ARHGAP15: variants seen among roughly 807,000 people sequenced by gnomAD.
ARHGAP15 encodes the protein Rho GTPase activating protein 15.
A neutral mutation model predicts 63.7 loss-of-function variants in ARHGAP15; 51 were observed. The ratio of observed to expected loss-of-function variants is 0.80; its 90% CI spans 0.64 to 1.01. The LOEUF is 1.01. Ranked by LOEUF, ARHGAP15 falls within the 50% of genes least tolerant of loss-of-function variation. The pLI, the probability that ARHGAP15 is intolerant of heterozygous loss-of-function variation, is 0.00. For missense variants in ARHGAP15, 560 were observed against 564.6 expected (o/e 0.99, Z 0.08); for synonymous variants, 191 against 193.8 (o/e 0.99, Z 0.12).
intron 2 of ARHGAP15, among the ~76,000 whole-genome samples, chr2:143,157,408 A>T (rs1347673999): frequency 3.3e-5 from 5 of 151,784 alleles, no homozygotes; most frequent in African/African-American, 4.8e-5. Flanking sequence ...CTCATTGTTG[A>T]TATTACCTTG....
intron 11 of ARHGAP15, among the ~76,000 whole-genome samples, chr2:143,583,535 G>T (rs996647491): frequency 5.3e-5 from 8 of 152,064 alleles, no homozygotes; most frequent in South Asian, 2.1e-4. Context: ...AAAATGGGGG[G>T]GGTGGAAGAG....
At chr2:143,344,133 C>T (rs1050294860) in intron 6 of ARHGAP15, 9 of 152,226 alleles carry the variant, frequency 5.9e-5, no homozygotes, top group Admixed American at 1.3e-4. Flanking sequence ...CTTTCAATAA[C>T]ACACCTTTTA....
chr2:143,247,795 T>C (rs1016787493), intron 5 of ARHGAP15, among the ~76,000 whole-genome samples: 3 of 152,156 alleles, frequency 2.0e-5, no homozygotes, highest in Non-Finnish European at 4.4e-5. Flanking sequence ...AATCCAAATA[T>C]GAGTCCTTTG....
At chr2:143,711,462 CTG>C (rs1371689130) in intron 13 of ARHGAP15, among the ~76,000 whole-genome samples, 3 of 152,052 alleles carry the variant, frequency 2.0e-5, no homozygotes, top group Non-Finnish European at 4.4e-5. Context: ...AGAGAATACT[CTG>C]TACAAGAACA....
chr2:143,360,761 C>T (rs191532331), intron 6 of ARHGAP15, among the ~76,000 whole-genome samples: 32 of 152,262 alleles, frequency 2.1e-4, no homozygotes, highest in Admixed American at 9.8e-4. Flanking sequence ...GAGTTAAGTA[C>T]TAATAAATAG....
chr2:143,750,179 C>T (rs1205673159), intron 13 of ARHGAP15, among the ~76,000 whole-genome samples: 2 of 152,216 alleles, frequency 1.3e-5, no homozygotes, highest in African/African-American at 4.8e-5. Context: ...GTGGCTCACA[C>T]CTATGATCCC....
At chr2:143,402,937 A>C (rs1481442689) in intron 6 of ARHGAP15, among the ~76,000 whole-genome samples, 2 of 151,872 alleles carry the variant, frequency 1.3e-5, no homozygotes, top group African/African-American at 4.8e-5. Context: ...TTTCTTATAG[A>C]AGAATATATT....
At chr2:143,507,506 C>T (rs1693373653) in intron 9 of ARHGAP15, among the ~76,000 whole-genome samples, 1 of 152,126 alleles carries the variant, frequency 6.6e-6, no homozygotes, top group Non-Finnish European at 1.5e-5. Flanking sequence ...TATGTTAAGG[C>T]CTTGGACTTC....
intron 1 of ARHGAP15, among the ~76,000 whole-genome samples, chr2:143,137,379 T>C (rs1180441744): frequency 1.3e-5 from 2 of 151,984 alleles, no homozygotes; most frequent in African/African-American, 4.8e-5. Context: ...GGCTGTAGAA[T>C]CAAGGAAGAC....
chr2:143,222,690 TTTG>T (rs752789002), intron 4 of ARHGAP15, among the ~76,000 whole-genome samples: 45 of 152,102 alleles, frequency 3.0e-4, no homozygotes, highest in Admixed American at 1.2e-3. Context: ...TTGGGGGTGT[TTTG>T]TTGTTGTTGT....
intron 11 of ARHGAP15, among the ~76,000 whole-genome samples, chr2:143,598,324 C>A (rs1271896774): frequency 6.6e-6 from 1 of 152,116 alleles, no homozygotes; most frequent in Non-Finnish European, 1.5e-5. Flanking sequence ...AAAATAGCAT[C>A]AAATGTGGCT....
intron 6 of ARHGAP15, among the ~76,000 whole-genome samples, chr2:143,284,075 C>T (rs1681980110): frequency 6.6e-6 from 1 of 152,118 alleles, no homozygotes; most frequent in South Asian, 2.1e-4. Flanking sequence ...CCTCCCACTC[C>T]TGATTTCGTT....
chr2:143,673,211 C>T (rs147173391), intron 12 of ARHGAP15, among the ~76,000 whole-genome samples: 2 of 152,256 alleles, frequency 1.3e-5, no homozygotes, highest in Non-Finnish European at 2.9e-5. Flanking sequence ...ATATTCAATT[C>T]TATATAGCAT....
At chr2:143,698,749 A>C (rs1368581204) in intron 12 of ARHGAP15, among the ~76,000 whole-genome samples, 1 of 152,150 alleles carries the variant, frequency 6.6e-6, no homozygotes, top group East Asian at 1.9e-4. Context: ...AAATCATAAT[A>C]GAATAAGGGC....
chr2:143,403,553 A>C (rs1364161261), intron 6 of ARHGAP15, among the ~76,000 whole-genome samples: 1 of 151,930 alleles, frequency 6.6e-6, no homozygotes, highest in Non-Finnish European at 1.5e-5. Flanking sequence ...AAAAAATACA[A>C]CCCAAAACAA....
At chr2:143,321,637 C>T (rs543013394) in intron 6 of ARHGAP15, among the ~76,000 whole-genome samples, 4 of 152,382 alleles carry the variant, frequency 2.6e-5, no homozygotes, top group African/African-American at 9.6e-5. Context: ...GCCCCATAAT[C>T]TGAGAGTACT....
intron 6 of ARHGAP15, among the ~76,000 whole-genome samples, chr2:143,335,722 TTTA>T (rs1282623020): frequency 6.6e-6 from 1 of 152,158 alleles, no homozygotes; most frequent in African/African-American, 2.4e-5. Context: ...CTCTCAGTGT[TTTA>T]AGCTGTCAGA....
At chr2:143,548,291 C>T (rs1695414633) in intron 10 of ARHGAP15, among the ~76,000 whole-genome samples, 1 of 151,958 alleles carries the variant, frequency 6.6e-6, no homozygotes, top group African/African-American at 2.4e-5. Flanking sequence ...AAGAAAAGTC[C>T]TTGAAAAGCA....
intron 6 of ARHGAP15, among the ~76,000 whole-genome samples, chr2:143,279,427 A>G (rs1453828115): frequency 6.6e-6 from 1 of 152,136 alleles, no homozygotes; most frequent in Non-Finnish European, 1.5e-5. Context: ...CAATATTTGT[A>G]AAAACAAGCC....
Sources: allele counts gnomAD v4.1 joint callset (sites outside exome capture counted in the v4.1 genomes callset), GRCh38; gene constraint gnomAD v4.1.1; transcripts MANE v1.5; gene names NCBI Gene and HGNC (gene_info 2026-07-23, HGNC 2026-07-21).